DRD3: variants seen among roughly 807,000 people sequenced by gnomAD.
DRD3 encodes D(3) dopamine receptor.
Under a neutral mutation model 36.3 loss-of-function variants are expected in DRD3, and 19 were observed. That is an observed-to-expected ratio of 0.52 (90% CI 0.36 to 0.77). The LOEUF (loss-of-function observed/expected upper bound fraction) is 0.77, where lower values mean the gene tolerates loss of function less well. Ranked by LOEUF, DRD3 falls within the 30% of genes least tolerant of loss-of-function variation. DRD3 has a pLI of 0.00. For synonymous variants in DRD3, 195 were observed against 203.7 expected (o/e 0.96, Z 0.36); for missense variants, 465 against 505.3 (o/e 0.92, Z 0.77).
At chr3:114,163,451 T>C (rs2077752245) in intron 2 of DRD3, among the ~76,000 whole-genome samples, 1 of 152,296 alleles carries the variant, frequency 6.6e-6, no homozygotes, top group Non-Finnish European at 1.5e-5. Context: ...GTTGAGTAAT[T>C]TGCCAAATGG....
At chr3:114,192,719 T>C (rs752757491) in intron 1 of DRD3, among the ~76,000 whole-genome samples, 2 of 152,192 alleles carry the variant, frequency 1.3e-5, no homozygotes, top group African/African-American at 2.4e-5. Context: ...TATGTCTACT[T>C]ATTCCAATTG....
In DRD3 at chr3:114,172,130, A is replaced by T. The variant is rs2077851924; in HGVS notation, c.-35-103T>A. On this transcript the variant is annotated intron_variant, in intron 1 of 6. Transcript: ENST00000383673. ...TTGCATCAGCAAATATTTATTGAGC[A>T]TTTTCTATATAGTAGGCACTGTTGT... 11 of 932,996 alleles carry T rather than the reference A, an allele frequency of 1.2e-5. No homozygotes were observed. The East Asian group carries it at 3.4e-4, about 29-fold the overall frequency. The allele number at this position is 932,996 out of a possible 1,614,324, so 57.8% of individuals were successfully genotyped here.
In DRD3 at chr3:114,141,963, C is replaced by T. The variant is rs144429268; in HGVS notation, c.527-2267G>A. On this transcript the variant is annotated intron_variant, in intron 4 of 6. Transcript: ENST00000383673. ...ACTCAGGAGGCTGAGGCAGGAGAAC[C>T]GCTTGAACCCAGGAGGCAGAGTTGC... Among the ~76,000 whole-genome samples the T allele has an allele frequency of 8.0e-4, 119 of 148,772 alleles. No individual in the cohort carries two copies. In the East Asian group the frequency reaches 0.022, roughly 28 times the overall value.
intron 3 of DRD3, among the ~76,000 whole-genome samples, chr3:114,154,688 C>T (rs968968210): frequency 2.6e-5 from 4 of 152,316 alleles, no homozygotes; most frequent in Non-Finnish European, 2.9e-5. Context: ...TGCAAAGACG[C>T]GGAGGCTTGC....
Position 114,178,769 on chromosome 3 carries a change from C to G in DRD3, c.-148G>C, listed in dbSNP as rs1385267859. Reference sequence around the variant, plus strand: ...AAAGCAAACTTTGCCTTTCTCAGGACTCAGAAACTATGAAATGAACAGAAA... The same window carrying G: ...AAAGCAAACTTTGCCTTTCTCAGGAGTCAGAAACTATGAAATGAACAGAAA... On this transcript the variant is annotated 5_prime_UTR_variant, in exon 1 of 7. Transcript: ENST00000383673. The G allele has an allele frequency of 6.6e-6, 1 of 152,212 alleles. No homozygotes were observed. The highest frequency in any genetic ancestry group is 1.5e-5 in the Non-Finnish European group (1 of 68,028). The allele number at this position is 152,212 out of a possible 1,614,324, so 9.4% of individuals were successfully genotyped here. A position where few individuals can be genotyped will look rare whatever the true frequency, so the allele number is the denominator to read the frequency against.
chr3:114,156,649 A>G lies in DRD3; in HGVS notation c.383+3106T>C, dbSNP rs1337028833. ...AAATCCCTCAGTGCCTCCTTGGCCT[A>G]TTGAATAAAAGTTAGAATTACCTCC... On this transcript the variant is annotated intron_variant, in intron 3 of 6. Transcript: ENST00000383673. Among the ~76,000 whole-genome samples, 9 of 152,114 alleles carry G rather than the reference A, an allele frequency of 5.9e-5. No homozygotes were observed. The East Asian group carries it at 1.2e-3, about 20-fold the overall frequency.
upstream of DRD3, among the ~76,000 whole-genome samples, chr3:114,179,696 CTGTT>C (rs2077935283): frequency 6.6e-6 from 1 of 151,928 alleles, no homozygotes; most frequent in African/African-American, 2.4e-5. Flanking sequence ...TTTTTCTCCT[CTGTT>C]TGGTCAGTGT....
At chr3:114,180,367 T>A (rs1352417049), upstream of DRD3, among the ~76,000 whole-genome samples, 1 of 152,054 alleles carries the variant, frequency 6.6e-6, no homozygotes, top group African/African-American at 2.4e-5. Context: ...TGTATTTGGA[T>A]GTAAGATCTT....
intron 3 of DRD3, among the ~76,000 whole-genome samples, chr3:114,151,299 G>T (rs967946883): frequency 6.6e-6 from 1 of 152,160 alleles, no homozygotes; most frequent in Non-Finnish European, 1.5e-5. Context: ...ACAGCGAGGG[G>T]AAGGAATACT....
intron 4 of DRD3, among the ~76,000 whole-genome samples, chr3:114,146,357 C>CAGT (rs2077569463): frequency 6.6e-6 from 1 of 152,142 alleles, no homozygotes; most frequent in African/African-American, 2.4e-5. Context: ...TTCCTTAGCA[C>CAGT]GCAGTGTATA....
intron 1 of DRD3, among the ~76,000 whole-genome samples, chr3:114,186,793 C>A (rs1194082956): frequency 6.6e-6 from 1 of 152,244 alleles, no homozygotes; most frequent in Non-Finnish European, 1.5e-5. Flanking sequence ...ATCAGGCAGA[C>A]TCTGCCAGTG....
chr3:114,146,202 T>C (rs2077568204), intron 4 of DRD3, among the ~76,000 whole-genome samples: 2 of 152,220 alleles, frequency 1.3e-5, no homozygotes, highest in African/African-American at 4.8e-5. Flanking sequence ...ACATATAATA[T>C]CTGCATACAC....
intron 1 of DRD3, among the ~76,000 whole-genome samples, chr3:114,190,189 A>C (rs777306349): frequency 4.6e-5 from 7 of 151,916 alleles, no homozygotes; most frequent in Non-Finnish European, 1.0e-4. Context: ...GTATAATTTC[A>C]ATAAAATAGC....
intron 1 of DRD3, among the ~76,000 whole-genome samples, chr3:114,173,549 C>T (rs566908666): frequency 6.6e-6 from 1 of 152,238 alleles, no homozygotes; most frequent in East Asian, 1.9e-4. Flanking sequence ...CAAGTGGTGG[C>T]TTTCAGTTAG....
chr3:114,159,133 C>CAG (rs1440973133), intron 3 of DRD3, among the ~76,000 whole-genome samples: 1 of 152,138 alleles, frequency 6.6e-6, no homozygotes, highest in African/African-American at 2.4e-5. Flanking sequence ...GCAGAACACA[C>CAG]AGAGAGAGGA....
intron 1 of DRD3, among the ~76,000 whole-genome samples, chr3:114,188,223 T>G (rs535775706): frequency 6.8e-6 from 1 of 146,918 alleles, no homozygotes; most frequent in Non-Finnish European, 1.5e-5. Flanking sequence ...TTTTTTTTTT[T>G]TTTTTTTTGA....
intron 2 of DRD3, among the ~76,000 whole-genome samples, chr3:114,161,905 TA>T (rs892949609): frequency 6.6e-6 from 1 of 152,184 alleles, no homozygotes; most frequent in African/African-American, 2.4e-5. Context: ...TTAAATTGGG[TA>T]AAAAAACACT....
At chr3:114,172,499 A>G (rs536795835) in intron 1 of DRD3, among the ~76,000 whole-genome samples, 1 of 152,338 alleles carries the variant, frequency 6.6e-6, no homozygotes, top group East Asian at 1.9e-4. Context: ...GGGCTAGCAC[A>G]TAGAAGTCAT....
upstream of DRD3, among the ~76,000 whole-genome samples, chr3:114,183,659 A>G (rs923719622): frequency 6.6e-6 from 1 of 151,988 alleles, no homozygotes; most frequent in African/African-American, 2.4e-5. Flanking sequence ...TGTATTAAAT[A>G]TTTTATTAAT....
Sources: allele counts gnomAD v4.1 joint callset (sites outside exome capture counted in the v4.1 genomes callset), GRCh38; gene constraint gnomAD v4.1.1; transcripts MANE v1.5; gene names NCBI Gene and HGNC (gene_info 2026-07-23, HGNC 2026-07-21).